Variants in UBA2 observed in about 807,000 individuals in gnomAD.
UBA2 encodes SUMO-activating enzyme subunit 2.
UBA2 carries 11 observed loss-of-function variants against 77.2 expected under a neutral mutation model. The ratio of observed to expected loss-of-function variants is 0.14; its 90% CI spans 0.09 to 0.24. The LOEUF is 0.24. UBA2 is among the 10% of genes least tolerant of loss of function. The pLI is 1.00. For missense variants in UBA2, 487 were observed against 781.7 expected, an observed-to-expected ratio of 0.62 and a Z score of 4.50; for synonymous variants, 278 against 276.7, an observed-to-expected ratio of 1.00 and a Z score of -0.05.
rs371228240 is a variant in UBA2, at chr19:34,461,254, A to G, written c.1498+688A>G. 8.5e-5 allele frequency among the ~76,000 whole-genome samples: 13 copies of G among 152,264 alleles called. No homozygotes were observed. The South Asian group carries it at 2.5e-3, about 29-fold the overall frequency. ...GTTTCTAGGCCCTGTGTTTCCCTGT[A>G]TATTGACTTAATTCATACCTATTTG... On this transcript the variant is annotated intron_variant, in intron 14 of 16. Transcript: ENST00000246548.
intron 5 of UBA2, 48 bp from the exon 6 acceptor site, chr19:34,438,597 A>G (rs1353410011): frequency 6.2e-7 from 1 of 1,607,484 alleles, no homozygotes; most frequent in Admixed American, 1.7e-5. Context: ...TATAATGTTG[A>G]GAAACTGCCA....
intron 15 of UBA2, among the ~76,000 whole-genome samples, chr19:34,464,447 A>G (rs2075666125): frequency 6.6e-6 from 1 of 152,022 alleles, no homozygotes. Flanking sequence ...AGTCCCAGCT[A>G]CTTGGGAGGC....
At chr19:34,450,862 C>G (rs1182408803) in intron 9 of UBA2, among the ~76,000 whole-genome samples, 2 of 151,272 alleles carry the variant, frequency 1.3e-5, no homozygotes, top group Non-Finnish European at 1.5e-5. Context: ...GCCTCAGCCT[C>G]CCGAGTAGCT....
intron 8 of UBA2, among the ~76,000 whole-genome samples, chr19:34,447,916 ACT>A (rs2075449215): frequency 6.6e-6 from 1 of 152,174 alleles, no homozygotes; most frequent in Admixed American, 6.6e-5. Flanking sequence ...GTACAAGGAA[ACT>A]CTGAATAGGG....
At chr19:34,435,083 G>A (rs2075294296) in intron 5 of UBA2, 115 bp downstream of exon 5, 1 of 748,836 alleles carries the variant, frequency 1.3e-6, no homozygotes, top group Non-Finnish European at 2.2e-6. Context: ...AAAATGTAAG[G>A]ACTTTTATGC....
At chr19:34,445,435 C>CTTTTT (rs67809236) in intron 8 of UBA2, among the ~76,000 whole-genome samples, 2 of 73,110 alleles carry the variant, frequency 2.7e-5, no homozygotes, top group Admixed American at 1.6e-4. Context: ...CTCATCTTCA[C>CTTTTT]TTTTTTTTTT....
At chr19:34,464,180 A>G in intron 15 of UBA2, 49 bp downstream of exon 15, 3 of 1,246,872 alleles carry the variant, frequency 2.4e-6, no homozygotes, top group Non-Finnish European at 2.3e-6. Context: ...GAATATATAA[A>G]CTTTAGACAA....
intron 6 of UBA2, among the ~76,000 whole-genome samples, chr19:34,443,488 C>G (rs2075392474): frequency 6.8e-6 from 1 of 146,416 alleles, no homozygotes; most frequent in South Asian, 2.1e-4. Flanking sequence ...GTTGCCCAGG[C>G]CGGAGTGCAG....
chr19:34,444,650 T>C (rs2075408936), intron 7 of UBA2, among the ~76,000 whole-genome samples: 1 of 152,058 alleles, frequency 6.6e-6, no homozygotes, highest in African/African-American at 2.4e-5. Flanking sequence ...CTACAAAAAA[T>C]ATAAAAATTA....
chr19:34,463,282 T>C (rs999219625), intron 14 of UBA2, among the ~76,000 whole-genome samples: 7 of 152,118 alleles, frequency 4.6e-5, no homozygotes, highest in Admixed American at 4.6e-4. Flanking sequence ...AATTTCTCAG[T>C]TTGGTCCCCC....
intron 5 of UBA2, among the ~76,000 whole-genome samples, chr19:34,436,134 A>G (rs1024194094): frequency 2.6e-5 from 4 of 151,618 alleles, no homozygotes; most frequent in Non-Finnish European, 5.9e-5. Flanking sequence ...AAAAAAAACC[A>G]AAAAATTCTG....
chr19:34,466,772 AT>A lies in UBA2; in HGVS notation c.1605-105del, dbSNP rs1457928946. ...AATTAAAAAAAAAATTAGAATCCAC[AT>A]ATTTGGTGTATACATAGTGTATGCT... On this transcript the variant is annotated intron_variant, in intron 15 of 16. Transcript: ENST00000246548. 2.1e-5 allele frequency: 17 copies of A among 802,174 alleles called. No individual in the cohort carries two copies. The Middle Eastern group carries it at 1.2e-3, about 58-fold the overall frequency. The allele number at this position is 802,174 out of a possible 1,614,324, so 49.7% of individuals were successfully genotyped here.
At chr19:34,432,984 C>T (rs968758821) in intron 3 of UBA2, among the ~76,000 whole-genome samples, 9 of 152,158 alleles carry the variant, frequency 5.9e-5, no homozygotes, top group African/African-American at 1.9e-4. Context: ...CCTGCCTGAT[C>T]CTGATCATGT....
At chr19:34,433,663 A>G (rs2075278859) in intron 4 of UBA2, among the ~76,000 whole-genome samples, 1 of 152,226 alleles carries the variant, frequency 6.6e-6, no homozygotes, top group African/African-American at 2.4e-5. Flanking sequence ...AAAAGCTCTC[A>G]AAAAGTGTGA....
intron 6 of UBA2, among the ~76,000 whole-genome samples, chr19:34,442,723 G>GA (rs2075384215): frequency 2.0e-5 from 3 of 152,100 alleles, no homozygotes; most frequent in Non-Finnish European, 4.4e-5. Flanking sequence ...GAGCCACCAC[G>GA]CCCAGCCAAA....
intron 2 of UBA2, 76 bp from the exon 3 acceptor site, chr19:34,431,785 G>A (rs1216798158): frequency 7.7e-6 from 10 of 1,291,674 alleles, no homozygotes; most frequent in Non-Finnish European, 1.1e-5. Flanking sequence ...GTAGATAACA[G>A]CATTGTGGCT....
intron 5 of UBA2, among the ~76,000 whole-genome samples, chr19:34,437,098 G>A (rs981380145): frequency 2.6e-5 from 4 of 151,994 alleles, no homozygotes; most frequent in South Asian, 2.1e-4. Flanking sequence ...GTATTTGAGA[G>A]TTTTGATTCT....
chr19:34,450,740 A>ATTTTTTT (rs2075484424), intron 9 of UBA2, among the ~76,000 whole-genome samples: 3 of 123,546 alleles, frequency 2.4e-5, no homozygotes, highest in Non-Finnish European at 5.0e-5. Context: ...ATTTATGTAT[A>ATTTTTTT]TCTTTTTTTT....
At chr19:34,429,290 C>T in intron 1 of UBA2, 2 of 973,944 alleles carry the variant, frequency 2.1e-6, no homozygotes, top group Non-Finnish European at 2.4e-6. Context: ...GTTGACAAGC[C>T]AGTGCTATTT....
Sources: gnomAD v4.1 joint callset for allele counts (sites outside exome capture counted in the v4.1 genomes callset) on GRCh38, gnomAD v4.1.1 for gene constraint, MANE v1.5 for transcripts, NCBI Gene and HGNC (gene_info 2026-07-23, HGNC 2026-07-21) for gene names.